The following ZDHHC21 variants were observed in gnomAD, a reference collection of about 807,000 sequenced individuals.
The protein encoded by ZDHHC21 is zDHHC palmitoyltransferase 21.
Under a neutral mutation model 34.6 loss-of-function variants are expected in ZDHHC21, and 15 were observed. That is an observed-to-expected ratio of 0.43 (90% CI 0.29 to 0.67). The LOEUF (loss-of-function observed/expected upper bound fraction) is 0.67, where lower values mean the gene tolerates loss of function less well. Ranked by LOEUF, ZDHHC21 falls within the 30% of genes least tolerant of loss-of-function variation. The probability of loss-of-function intolerance (pLI) is 0.14; values close to 1 mark genes in which losing one functional copy is unlikely to be tolerated. For synonymous variants in ZDHHC21, 142 were observed against 101.8 expected (o/e 1.40, Z -2.38); for missense variants, 344 against 327.7 (o/e 1.05, Z -0.38).
intron 7 of ZDHHC21, among the ~76,000 whole-genome samples, chr9:14,650,784 G>A (rs1831111178): frequency 6.6e-6 from 1 of 151,948 alleles, no homozygotes; most frequent in South Asian, 2.1e-4. Context: ...CTTCCTAGCA[G>A]AAGAGTTGGC....
At position 14,640,998 on chromosome 9, in the gene ZDHHC21, C is replaced by T. The variant is rs540960414; in HGVS notation, c.505-986G>A. Among the ~76,000 whole-genome samples, 6 of 152,224 alleles carry T rather than the reference C, an allele frequency of 3.9e-5. No individual in the cohort carries two copies. The South Asian group carries it at 8.3e-4, about 21-fold the overall frequency. On this transcript the variant is annotated intron_variant, in intron 7 of 9. Coordinates refer to ENST00000380916, the MANE Select transcript of ZDHHC21 (RefSeq NM_178566.6). ...GTTGCTAAGCTGTGGAATAAAACAACCACAGAAAATAAAAGCACCAAGTGG... is the reference window on the plus strand; with the variant it reads ...GTTGCTAAGCTGTGGAATAAAACAATCACAGAAAATAAAAGCACCAAGTGG...
intron 7 of ZDHHC21, among the ~76,000 whole-genome samples, chr9:14,652,287 C>G (rs1427779380): frequency 1.3e-5 from 2 of 151,756 alleles, no homozygotes; most frequent in African/African-American, 4.8e-5. Context: ...GGTTCACAGG[C>G]CTTTTTTTAG....
intron 5 of ZDHHC21, among the ~76,000 whole-genome samples, chr9:14,668,725 A>G (rs1272744826): frequency 1.5e-5 from 2 of 135,472 alleles, no homozygotes; most frequent in African/African-American, 5.5e-5. Context: ...GATCTTTGAC[A>G]AACCTGAGAA....
intron 1 of ZDHHC21, among the ~76,000 whole-genome samples, chr9:14,691,477 T>C (rs2131726395): frequency 6.6e-6 from 1 of 152,342 alleles, no homozygotes; most frequent in South Asian, 2.1e-4. Flanking sequence ...CATTACGAAT[T>C]AAAGAAATGA....
At chr9:14,634,924 C>T (rs1359265754) in intron 8 of ZDHHC21, among the ~76,000 whole-genome samples, 7 of 151,796 alleles carry the variant, frequency 4.6e-5, no homozygotes, top group Non-Finnish European at 1.0e-4. Flanking sequence ...AAAGATAATA[C>T]AGAAAATATG....
chr9:14,656,174 AT>A (rs1179328423), intron 7 of ZDHHC21, among the ~76,000 whole-genome samples: 2 of 151,938 alleles, frequency 1.3e-5, no homozygotes, highest in Non-Finnish European at 3.0e-5. Context: ...TTCAATGTAT[AT>A]TGACTAACTA....
At chr9:14,594,926 C>T in the ZDHHC21 span, among the ~76,000 whole-genome samples, 1 of 152,018 alleles carries the variant, frequency 6.6e-6, no homozygotes, top group East Asian at 1.9e-4. Flanking sequence ...CATAAAAATA[C>T]GTTCAACATC....
chr9:14,600,981 C>A, the ZDHHC21 span, among the ~76,000 whole-genome samples: 1 of 152,262 alleles, frequency 6.6e-6, no homozygotes, highest in African/African-American at 2.4e-5. Flanking sequence ...CTTCCTTACA[C>A]CTTATACAAA....
chr9:14,602,253 G>T, the ZDHHC21 span, among the ~76,000 whole-genome samples: 3 of 151,806 alleles, frequency 2.0e-5, no homozygotes, highest in Non-Finnish European at 2.9e-5. Flanking sequence ...TCAAGCAGAA[G>T]AAAGAATTTC....
At chr9:14,665,325 C>T (rs967072397) in intron 5 of ZDHHC21, among the ~76,000 whole-genome samples, 1 of 138,218 alleles carries the variant, frequency 7.2e-6, no homozygotes, top group African/African-American at 2.7e-5. Context: ...ATGAGCAAAG[C>T]CTCCAAGAAA....
intron 6 of ZDHHC21, among the ~76,000 whole-genome samples, chr9:14,661,059 C>G (rs757508084): frequency 2.0e-5 from 3 of 152,056 alleles, no homozygotes; most frequent in Non-Finnish European, 4.4e-5. Flanking sequence ...TAATTATTTA[C>G]GTTTAAATTC....
intron 2 of ZDHHC21, among the ~76,000 whole-genome samples, chr9:14,681,277 T>C (rs566154838): frequency 1.3e-5 from 2 of 152,114 alleles, no homozygotes; most frequent in African/African-American, 4.8e-5. Flanking sequence ...CAGACTGGAG[T>C]GCAGTGGCTA....
chr9:14,622,078 A>G (rs998929384), intron 8 of ZDHHC21, among the ~76,000 whole-genome samples: 1 of 152,122 alleles, frequency 6.6e-6, no homozygotes, highest in African/African-American at 2.4e-5. Context: ...ATAACAAACA[A>G]GTTTTTACTA....
At position 14,674,366 on chromosome 9, in the gene ZDHHC21, A is replaced by C. The variant is rs753733237; in HGVS notation, c.-26T>G. On this transcript the variant is annotated 5_prime_UTR_variant, in exon 4 of 10. Transcript: ENST00000380916. The stretch of plus-strand genomic sequence containing the variant: ...TTTGCAATCTTATAACTGCCTGCTA[A>C]CCCACAAGGAAGGATGATCCTAAGG... 3.8e-6 allele frequency: 6 copies of C among 1,573,596 alleles called. No homozygotes were observed. The South Asian group carries it at 7.3e-5, about 19-fold the overall frequency.
chr9:14,674,323 G>C lies in ZDHHC21; in HGVS notation c.18C>G (p.His6Gln). 1 of 1,594,676 alleles carries C rather than the reference G, an allele frequency of 6.3e-7. No homozygotes were observed. Among genetic ancestry groups the C allele is most frequent in the Non-Finnish European group, 8.5e-7 (1 of 1,172,614 alleles). Reference protein sequence around the residue: MGLRIHFVVDPHGWCC... With the variant: MGLRIQFVVDPHGWCC... ...ACCAACCATGTGGGTCAACAACAAAGTGAATCCGGAGACCCATTTTGCAAT... is the reference window on the plus strand; with the variant it reads ...ACCAACCATGTGGGTCAACAACAAACTGAATCCGGAGACCCATTTTGCAAT... Residue 6 changes from histidine (H) to glutamine (Q), a missense_variant, in exon 4 of 10, where the codon CAC (histidine) becomes CAG (glutamine). Transcript: ENST00000380916.
chr9:14,630,156 C>T (rs1007506978), intron 8 of ZDHHC21, among the ~76,000 whole-genome samples: 3 of 152,232 alleles, frequency 2.0e-5, no homozygotes, highest in Non-Finnish European at 4.4e-5. Context: ...ACTTTACCCA[C>T]AGTAGGACTT....
At chr9:14,603,049 A>AG in the ZDHHC21 span, among the ~76,000 whole-genome samples, 1 of 150,688 alleles carries the variant, frequency 6.6e-6, no homozygotes, top group Non-Finnish European at 1.5e-5. Flanking sequence ...GTGGGAGTTG[A>AG]GGGGGAGCAG....
chr9:14,642,967 G>C (rs559449055), intron 7 of ZDHHC21, among the ~76,000 whole-genome samples: 13 of 152,230 alleles, frequency 8.5e-5, no homozygotes, highest in African/African-American at 2.9e-4. Flanking sequence ...GGCTGGGTAC[G>C]GTGGCTCACG....
At chr9:14,682,782 T>C (rs186569077) in intron 2 of ZDHHC21, among the ~76,000 whole-genome samples, 2 of 152,308 alleles carry the variant, frequency 1.3e-5, no homozygotes, top group Admixed American at 6.5e-5. Flanking sequence ...ACCACATAGT[T>C]AGAAGTAAAG....
Sources: gnomAD v4.1 joint callset for allele counts (sites outside exome capture counted in the v4.1 genomes callset) on GRCh38, gnomAD v4.1.1 for gene constraint, MANE v1.5 for transcripts, NCBI Gene and HGNC (gene_info 2026-07-23, HGNC 2026-07-21) for gene names.